The following CDK11A variants were observed in gnomAD, a reference collection of about 807,000 sequenced individuals.
The protein encoded by CDK11A is cyclin dependent kinase 11A.
In CDK11A, 55 loss-of-function variants were observed where a neutral mutation model predicts 83.6. That is an observed-to-expected ratio of 0.66 (90% CI 0.53 to 0.82). The LOEUF is 0.82. CDK11A is among the 40% of genes least tolerant of loss of function. The pLI, the probability that CDK11A is intolerant of heterozygous loss-of-function variation, is 0.00. For synonymous variants in CDK11A, 247 were observed against 302.7 expected, an observed-to-expected ratio of 0.82 and a Z score of 1.91; for missense variants, 564 against 810.1, an observed-to-expected ratio of 0.70 and a Z score of 3.69.
chr1:1,707,388 G>C (rs778360828), intron 11 of CDK11A, 21 bp downstream of exon 11: 3 of 1,604,260 alleles, frequency 1.9e-6, no homozygotes, highest in Non-Finnish European at 2.6e-6. Context: ...ACAGCGGCCC[G>C]GGGCGAGGGG....
intron 17 of CDK11A, 57 bp from the exon 18 acceptor site, chr1:1,703,681 G>C: frequency 1.3e-6 from 2 of 1,549,970 alleles, no homozygotes; most frequent in South Asian, 2.4e-5. Context: ...GTTGGCACCT[G>C]TGTCCCGTCA....
chr1:1,718,040 T>TGG (rs1553177281), intron 4 of CDK11A, among the ~76,000 whole-genome samples: 3 of 139,004 alleles, frequency 2.2e-5, no homozygotes, highest in Non-Finnish European at 3.1e-5. Context: ...TGCTTTTAGC[T>TGG]AGTTTGCTCT....
chr1:1,703,609 T>C lies in CDK11A; in HGVS notation c.1927A>G (p.Ser643Gly), dbSNP rs1294323462. 13 of 1,597,484 alleles carry C rather than the reference T, an allele frequency of 8.1e-6. No homozygotes were observed. The highest frequency in any genetic ancestry group is 9.4e-6 in the Non-Finnish European group (11 of 1,173,656). Residue 643 changes from serine (S) to glycine (G), a missense_variant, in exon 18 of 20, where the codon AGT becomes GGT. Around this residue, in one of 5 missense-constraint regions of CDK11A, gnomAD observed 361 missense variants for 402.7 expected, o/e 0.90. Coordinates refer to ENST00000404249, the MANE Select transcript of CDK11A (RefSeq NM_024011.4). ...CTGTAGCCGGGCCAGATTTTCTCAC[T>C]GGGGGTCCCCAGCTCCTGAAAGACA... is the stretch of plus-strand genomic sequence containing the variant. ...NKVFKELGTPSEKIWPGYSEL... is the reference protein window; with the variant it reads ...NKVFKELGTPGEKIWPGYSEL...
chr1:1,706,816 C>T (rs573671292), intron 11 of CDK11A, among the ~76,000 whole-genome samples: 1 of 150,576 alleles, frequency 6.6e-6, no homozygotes, highest in East Asian at 2.0e-4. Flanking sequence ...CTGCTGCATG[C>T]GCCAGAGAGA....
Position 1,703,576 on chromosome 1 carries a change from G to C in CDK11A, c.1960C>G (p.Pro654Ala). ...EKIWPGYSEL[P>A]VVKKMTFSEH... is the part of the protein sequence containing the mutation. ...CTGAAGGTCATCTTTTTGACTACTG[G>C]GAGCTCACTGTAGCCGGGCCAGATT... The change falls in exon 18 of 20, where the codon CCA becomes GCA. Residue 654 changes from proline (P) to alanine (A), a missense_variant. Coordinates refer to ENST00000404249, the MANE Select transcript of CDK11A (RefSeq NM_024011.4). The C allele has an allele frequency of 6.3e-7, 1 of 1,584,656 alleles. No homozygotes were observed. The highest frequency in any genetic ancestry group is 1.1e-5 in the South Asian group (1 of 87,218).
rs768913380 is a variant in CDK11A at position 1,723,488 on chromosome 1, C to CAA, written c.-13-659_-13-658dup. Reference sequence around the variant, plus strand: ...ACTGCACTCCAGCAAGACCCCGTCTCAAAAAAAAAAAAAAAAAAAAAAAAA... The same window carrying CAA: ...ACTGCACTCCAGCAAGACCCCGTCTCAAAAAAAAAAAAAAAAAAAAAAAAAAA... On this transcript the variant is annotated intron_variant, in intron 1 of 19. Coordinates refer to ENST00000404249, the MANE Select transcript of CDK11A (RefSeq NM_024011.4). Among the ~76,000 whole-genome samples the CAA allele has an allele frequency of 8.1e-3, 168 of 20,622 alleles. 9 individuals are homozygous for CAA. The highest frequency in any genetic ancestry group is 0.012 in the African/African-American group (126 of 10,454). The allele number at this position is 20,622 out of a possible 152,430, so 13.5% of individuals were successfully genotyped here. A position where few individuals can be genotyped will look rare whatever the true frequency, so the allele number is the denominator to read the frequency against.
chr1:1,705,959 C>A (rs942136052), intron 11 of CDK11A, among the ~76,000 whole-genome samples: 1 of 149,330 alleles, frequency 6.7e-6, no homozygotes, highest in African/African-American at 2.5e-5. Context: ...AAAGGCCATC[C>A]CAGCCAGGTG....
intron 3 of CDK11A, among the ~76,000 whole-genome samples, chr1:1,720,392 C>T (rs1177824396): frequency 1.3e-5 from 2 of 148,352 alleles, no homozygotes; most frequent in South Asian, 2.2e-4. Context: ...CCGCCACGCC[C>T]GGCCTGTATT....
At chr1:1,710,750 G>A (rs1644469746) in intron 6 of CDK11A, among the ~76,000 whole-genome samples, 1 of 147,788 alleles carries the variant, frequency 6.8e-6, no homozygotes. Flanking sequence ...TCAAGAAAAT[G>A]ACGCGTGAAC....
chr1:1,718,786 G>A (rs1967675), intron 4 of CDK11A, among the ~76,000 whole-genome samples: 10,812 of 150,586 alleles, frequency 0.072, 1,494 homozygotes, highest in African/African-American at 0.24. Flanking sequence ...ACAGGTGCCC[G>A]CCACCACGCC....
At chr1:1,707,082 CA>C (rs1365587115) in intron 11 of CDK11A, among the ~76,000 whole-genome samples, 2 of 143,040 alleles carry the variant, frequency 1.4e-5, no homozygotes, top group Non-Finnish European at 3.0e-5. Flanking sequence ...ACGCAGGGGT[CA>C]AGTGGAAGGC....
chr1:1,720,154 C>T (rs374495384), intron 3 of CDK11A, among the ~76,000 whole-genome samples: 3 of 150,432 alleles, frequency 2.0e-5, no homozygotes, highest in Admixed American at 6.7e-5. Flanking sequence ...AGGGCAGTGG[C>T]GAGACTCTCG....
Position 1,717,498 on chromosome 1 carries a change from A to G in CDK11A, c.356-1020T>C, listed in dbSNP as rs138146391. ...TTTTTCTCCTATACTTGTTGAATTC[A>G]GGTCATTTTAAATGTAAACAAACTG... On this transcript the variant is annotated intron_variant, in intron 4 of 19. Coordinates refer to ENST00000404249, the MANE Select transcript of CDK11A (RefSeq NM_024011.4). 1.3e-4 allele frequency among the ~76,000 whole-genome samples: 20 copies of G among 151,438 alleles called. 1 individual carries two copies. The highest frequency in any genetic ancestry group is 3.9e-4 in the East Asian group (2 of 5,158).
In CDK11A at chr1:1,718,184, G is replaced by A. The variant is rs533266666; in HGVS notation, c.355+1144C>T. Among the ~76,000 whole-genome samples the A allele has an allele frequency of 1.1e-3, 155 of 140,796 alleles. 5 individuals carry two copies. Among genetic ancestry groups the A allele is most frequent in the African/African-American group, 4.1e-3 (152 of 37,474 alleles). The allele number at this position is 140,796 out of a possible 152,430, so 92.4% of individuals were successfully genotyped here. On this transcript the variant is annotated intron_variant, in intron 4 of 19. Transcript: ENST00000404249. ...CTCTGGTTTTCGGTCTGTGACACACGCATGCTTTCAGCTAGGGTATTCTCT... is the reference window on the plus strand; with the variant it reads ...CTCTGGTTTTCGGTCTGTGACACACACATGCTTTCAGCTAGGGTATTCTCT...
chr1:1,719,984 T>C (rs1041230858), intron 3 of CDK11A, among the ~76,000 whole-genome samples: 5 of 150,852 alleles, frequency 3.3e-5, no homozygotes, highest in African/African-American at 4.9e-5. Context: ...GAAATGCCTC[T>C]CAGAGGACCT....
At chr1:1,716,622 T>C in intron 4 of CDK11A, 144 bp from the exon 5 acceptor site, 1 of 722,660 alleles carries the variant, frequency 1.4e-6, no homozygotes, top group South Asian at 1.8e-5. Context: ...AAAACCAGCC[T>C]GGCCAACATG....
At chr1:1,718,652 T>TC (rs1354427870) in intron 4 of CDK11A, among the ~76,000 whole-genome samples, 3 of 149,508 alleles carry the variant, frequency 2.0e-5, no homozygotes, top group Non-Finnish European at 3.0e-5. Flanking sequence ...TTTTTTTTTT[T>TC]GAGACGGAGT....
chr1:1,721,153 A>G (rs1020527209), intron 3 of CDK11A, among the ~76,000 whole-genome samples: 6 of 149,542 alleles, frequency 4.0e-5, no homozygotes. Context: ...AGATGGCGCC[A>G]CTGCACTCCA....
chr1:1,706,021 T>G (rs146016794), intron 11 of CDK11A, among the ~76,000 whole-genome samples: 1 of 150,620 alleles, frequency 6.6e-6, no homozygotes, highest in Non-Finnish European at 1.5e-5. Context: ...GGCAGGAGGA[T>G]TGCTTGAGCC....
Sources: gnomAD v4.1 joint callset for allele counts (sites outside exome capture counted in the v4.1 genomes callset) on GRCh38, gnomAD v4.1.1 for gene constraint, gnomAD v4.1.1 regional missense constraint, MANE v1.5 for transcripts, NCBI Gene and HGNC (gene_info 2026-07-23, HGNC 2026-07-21) for gene names.